Variants in MYO3B observed in about 807,000 individuals in gnomAD.
The protein encoded by MYO3B is myosin-IIIb.
Under a neutral mutation model 174.6 loss-of-function variants are expected in MYO3B, and 156 were observed. The ratio of observed to expected loss-of-function variants is 0.89; its 90% CI spans 0.78 to 1.02. The LOEUF is 1.02. Ranked by LOEUF, MYO3B falls within the 50% of genes least tolerant of loss-of-function variation. The pLI, the probability that MYO3B is intolerant of heterozygous loss-of-function variation, is 0.00. For synonymous variants in MYO3B, 563 were observed against 569.1 expected, an observed-to-expected ratio of 0.99 and a Z score of 0.15; for missense variants, 1,632 against 1,639.4, an observed-to-expected ratio of 1.00 and a Z score of 0.08.
At position 170,200,131 on chromosome 2, in the gene MYO3B, A is replaced by T; in HGVS notation, c.187-19A>T. 6.2e-7 allele frequency: 1 copy of T among 1,607,310 alleles called. No homozygotes were observed. The highest frequency in any genetic ancestry group is 8.5e-7 in the Non-Finnish European group (1 of 1,176,794). ...ACACATTAGATTTAATCCAGCTTGC[A>T]TTTTTCTACCCTGTTTAGGATATGG... On this transcript the variant is annotated intron_variant, in intron 2 of 34. Coordinates refer to ENST00000408978, the MANE Select transcript of MYO3B (RefSeq NM_138995.5).
At chr2:170,246,832 T>C (rs2093195897) in intron 7 of MYO3B, among the ~76,000 whole-genome samples, 1 of 152,074 alleles carries the variant, frequency 6.6e-6, no homozygotes, top group Non-Finnish European at 1.5e-5. Flanking sequence ...GAGGTCTGCC[T>C]AGGGCATGGT....
intron 16 of MYO3B, among the ~76,000 whole-genome samples, chr2:170,393,789 C>T (rs898203294): frequency 7.2e-5 from 11 of 152,114 alleles, no homozygotes; most frequent in African/African-American, 2.2e-4. Context: ...GTCAGCCTCC[C>T]GCAGACTTTA....
intron 16 of MYO3B, among the ~76,000 whole-genome samples, chr2:170,394,550 A>C (rs1197466667): frequency 6.6e-6 from 1 of 152,216 alleles, no homozygotes; most frequent in Non-Finnish European, 1.5e-5. Context: ...TAAACATGAA[A>C]AGAAAAAAAT....
rs150348346 is a variant in MYO3B at position 170,211,327 on chromosome 2, A to T, written c.322-3052A>T. ...ATAAAGGCCTTTTAAATAAACCATA[A>T]CTTGGACATCCACTTTTAATTAAAC... On this transcript the variant is annotated intron_variant, in intron 3 of 34. Coordinates refer to ENST00000408978, the MANE Select transcript of MYO3B (RefSeq NM_138995.5). Among the ~76,000 whole-genome samples, 10 of 152,288 alleles carry T rather than the reference A, an allele frequency of 6.6e-5. No homozygotes were observed. In the East Asian group the frequency reaches 1.9e-3, roughly 29 times the overall value.
At chr2:170,297,656 A>G (rs1331734480) in intron 7 of MYO3B, among the ~76,000 whole-genome samples, 1 of 152,176 alleles carries the variant, frequency 6.6e-6, no homozygotes, top group East Asian at 1.9e-4. Flanking sequence ...TTATTTTTGC[A>G]GCAAAGAGCA....
At chr2:170,582,336 G>A (rs1693204773) in intron 32 of MYO3B, among the ~76,000 whole-genome samples, 1 of 152,180 alleles carries the variant, frequency 6.6e-6, no homozygotes. Context: ...GGACAATAAA[G>A]GCTTCGTGGC....
chr2:170,184,815 G>A (rs1299886648), intron 1 of MYO3B, among the ~76,000 whole-genome samples: 3 of 152,074 alleles, frequency 2.0e-5, no homozygotes, highest in African/African-American at 7.2e-5. Flanking sequence ...CAGTGTACAA[G>A]AGTCTACTTT....
chr2:170,437,855 C>T (rs2094766583), intron 22 of MYO3B, among the ~76,000 whole-genome samples: 2 of 152,162 alleles, frequency 1.3e-5, no homozygotes, highest in South Asian at 4.1e-4. Flanking sequence ...CTCGGGAAAA[C>T]TTCCTTCAGC....
intron 30 of MYO3B, among the ~76,000 whole-genome samples, chr2:170,535,743 C>T (rs1007870811): frequency 6.6e-6 from 1 of 152,206 alleles, no homozygotes; most frequent in Non-Finnish European, 1.5e-5. Context: ...GTCCTCAGCA[C>T]AGTGCCTGAT....
chr2:170,509,005 A>G (rs1687794687), intron 28 of MYO3B, among the ~76,000 whole-genome samples: 1 of 140,172 alleles, frequency 7.1e-6, no homozygotes, highest in South Asian at 2.3e-4. Context: ...CCTAAATGTC[A>G]ACTTCACTGG....
At chr2:170,583,345 C>T (rs1450981388) in intron 32 of MYO3B, among the ~76,000 whole-genome samples, 1 of 152,114 alleles carries the variant, frequency 6.6e-6, no homozygotes, top group African/African-American at 2.4e-5. Flanking sequence ...CTGAGCCTTG[C>T]CTGCAGGCCT....
At chr2:170,623,408 T>A (rs1050187841) in intron 32 of MYO3B, among the ~76,000 whole-genome samples, 9 of 152,240 alleles carry the variant, frequency 5.9e-5, no homozygotes, top group African/African-American at 1.9e-4. Context: ...TTGCACATTT[T>A]TTGATGGGGT....
Position 170,653,146 on chromosome 2 carries a change from G to T in MYO3B, c.*25G>T, listed in dbSNP as rs755542732. Reference sequence around the variant, plus strand: ...AATTGTGCTTCCTAACCCTAAATCTGTCCAGAGTAGGAACATTCATGGTAA... The same window carrying T: ...AATTGTGCTTCCTAACCCTAAATCTTTCCAGAGTAGGAACATTCATGGTAA... On this transcript the variant is annotated 3_prime_UTR_variant, in exon 35 of 35. Transcript: ENST00000408978. 1.2e-6 allele frequency: 2 copies of T among 1,613,572 alleles called. No individual in the cohort carries two copies. Among genetic ancestry groups the T allele is most frequent in the Non-Finnish European group, 1.7e-6 (2 of 1,179,666 alleles).
chr2:170,651,551 T>G, intron 32 of MYO3B, 77 bp from the exon 33 acceptor site: 1 of 1,128,766 alleles, frequency 8.9e-7, no homozygotes, highest in Non-Finnish European at 1.4e-6. Context: ...CTAAGTGCAT[T>G]TATGTGAAGA....
intron 16 of MYO3B, among the ~76,000 whole-genome samples, chr2:170,398,156 G>A (rs2094451797): frequency 6.7e-6 from 1 of 150,130 alleles, no homozygotes. Flanking sequence ...CTGGGTGGCG[G>A]AGGTTTTAGT....
At chr2:170,378,451 A>G (rs1996535) in intron 9 of MYO3B, among the ~76,000 whole-genome samples, 147,938 of 152,304 alleles carry the variant, frequency 0.97, 71,985 homozygotes, top group East Asian at 1. Flanking sequence ...GAATTTGATC[A>G]CCTGTAAGCA....
chr2:170,261,844 A>G (rs779699655), intron 7 of MYO3B, among the ~76,000 whole-genome samples: 5 of 152,256 alleles, frequency 3.3e-5, no homozygotes. Flanking sequence ...ATCAAAGTTC[A>G]AATATATAAA....
chr2:170,314,569 A>G (rs2093761213), intron 7 of MYO3B, among the ~76,000 whole-genome samples: 1 of 152,238 alleles, frequency 6.6e-6, no homozygotes, highest in Non-Finnish European at 1.5e-5. Context: ...AAGGGGTAGT[A>G]TATACAAAAA....
At chr2:170,369,573 C>T (rs2094224938) in intron 9 of MYO3B, among the ~76,000 whole-genome samples, 196 bp downstream of exon 9, 1 of 152,278 alleles carries the variant, frequency 6.6e-6, no homozygotes, top group Admixed American at 6.5e-5. Flanking sequence ...CCCATTTGTG[C>T]TCTTATGGCC....
Sources: allele counts gnomAD v4.1 joint callset (sites outside exome capture counted in the v4.1 genomes callset), GRCh38; gene constraint gnomAD v4.1.1; transcripts MANE v1.5; gene names NCBI Gene and HGNC (gene_info 2026-07-23, HGNC 2026-07-21).